LRRFIP2: variants seen among roughly 807,000 people sequenced by gnomAD.
LRRFIP2 encodes the protein leucine-rich repeat flightless-interacting protein 2.
Under a neutral mutation model 125.9 loss-of-function variants are expected in LRRFIP2, and 109 were observed. The observed-to-expected ratio is 0.87, with a 90% CI of 0.74 to 1.01. The LOEUF is 1.01. Among genes scored for constraint, LRRFIP2 ranks in the 50% least tolerant of loss-of-function variants. The pLI is 0.00. For synonymous variants in LRRFIP2, 291 were observed against 293.1 expected (o/e 0.99, Z 0.07); for missense variants, 850 against 862.3 (o/e 0.99, Z 0.18).
intron 19 of LRRFIP2, among the ~76,000 whole-genome samples, chr3:37,076,188 C>T (rs2091988583): frequency 6.6e-6 from 1 of 152,074 alleles, no homozygotes; most frequent in Non-Finnish European, 1.5e-5. Context: ...CAAAAATCCA[C>T]AAGCAATGAG....
intron 1 of LRRFIP2, among the ~76,000 whole-genome samples, chr3:37,156,468 T>C (rs1198769123): frequency 6.7e-6 from 1 of 148,380 alleles, no homozygotes; most frequent in East Asian, 2.1e-4. Context: ...GGTCAGGAGA[T>C]CGAGACCATC....
chr3:37,170,796 G>A (rs573982240), intron 1 of LRRFIP2: 2 of 152,296 alleles, frequency 1.3e-5, no homozygotes, highest in South Asian at 2.1e-4. Flanking sequence ...CCTCCTGGAC[G>A]GGCGCAGTGG....
chr3:37,070,614 T>C (rs2091017304), intron 21 of LRRFIP2, among the ~76,000 whole-genome samples: 1 of 151,958 alleles, frequency 6.6e-6, no homozygotes. Context: ...TGCACACCTG[T>C]AGTCCCAGCT....
chr3:37,080,122 A>G (rs9814918), intron 19 of LRRFIP2, among the ~76,000 whole-genome samples: 55,149 of 152,068 alleles, frequency 0.36, 10,944 homozygotes, highest in Non-Finnish European at 0.45. Flanking sequence ...TAAATAGGCC[A>G]GGCGCAGTGG....
At position 37,075,069 on chromosome 3, in the gene LRRFIP2, C is replaced by T; in HGVS notation, c.1326G>A (p.Met442Ile). Residue 442 changes from methionine to isoleucine, a missense_variant, in exon 20 of 28, where the codon ATG becomes ATA. Physicochemically the swap from Met to Ile is conservative, Grantham distance 10. Coordinates refer to ENST00000336686, the MANE Select transcript of LRRFIP2 (RefSeq NM_006309.4). Reference protein sequence around the residue: ...KHMCSVLQHKMEELKEGLRQR... With the variant: ...KHMCSVLQHKIEELKEGLRQR... Reference sequence around the variant, plus strand: ...GCCGCAGGCCTTCTTTAAGTTCTTCCATCTTATGCTGCAGCACACTACACA... The same window carrying T: ...GCCGCAGGCCTTCTTTAAGTTCTTCTATCTTATGCTGCAGCACACTACACA... 6.2e-7 allele frequency: 1 copy of T among 1,612,864 alleles called. No individual in the cohort carries two copies. The highest frequency in any genetic ancestry group is 1.1e-5 in the South Asian group (1 of 91,070).
rs1300988252 is a variant in LRRFIP2 at position 37,111,120 on chromosome 3, C to T, written c.439-55G>A. ...CTTAGGCTAAATGTTAATAACCTAA[C>T]AACACACAAAGGCAAAACTGAACAC... is the stretch of plus-strand genomic sequence containing the variant. On this transcript the variant is annotated intron_variant, in intron 8 of 27. Coordinates refer to ENST00000336686, the MANE Select transcript of LRRFIP2 (RefSeq NM_006309.4). 2.7e-6 allele frequency: 4 copies of T among 1,457,234 alleles called. No homozygotes were observed. In the African/African-American group the frequency reaches 4.2e-5, roughly 15 times the overall value. 90.3% of individuals were successfully genotyped at this position (1,457,234 alleles called of 1,614,324 possible).
At chr3:37,124,691 A>G (rs148304580) in intron 4 of LRRFIP2, among the ~76,000 whole-genome samples, 2 of 152,350 alleles carry the variant, frequency 1.3e-5, no homozygotes, top group African/African-American at 4.8e-5. Flanking sequence ...CAGACAACTG[A>G]ACTGTAAAGA....
At chr3:37,169,870 G>A (rs2096561760) in intron 1 of LRRFIP2, among the ~76,000 whole-genome samples, 1 of 152,170 alleles carries the variant, frequency 6.6e-6, no homozygotes, top group South Asian at 2.1e-4. Flanking sequence ...CCACCTCTGA[G>A]AAAGCACCCT....
chr3:37,147,157 A>G (rs2095875685), intron 2 of LRRFIP2, among the ~76,000 whole-genome samples: 1 of 152,226 alleles, frequency 6.6e-6, no homozygotes, highest in South Asian at 2.1e-4. Flanking sequence ...CCACAATGAG[A>G]AACCATCTCA....
At chr3:37,063,099 T>C (rs541441446) in intron 24 of LRRFIP2, among the ~76,000 whole-genome samples, 43 of 152,254 alleles carry the variant, frequency 2.8e-4, no homozygotes, top group African/African-American at 9.6e-4. Flanking sequence ...TGTGGCTAAA[T>C]TGATGATAGA....
intron 24 of LRRFIP2, 110 bp downstream of exon 24, chr3:37,063,632 G>A: frequency 1.2e-6 from 1 of 814,126 alleles, no homozygotes; most frequent in Non-Finnish European, 2.2e-6. Context: ...TCTCACTTGA[G>A]TACTGATGTT....
At chr3:37,056,090 T>C (rs1482738761) in intron 25 of LRRFIP2, among the ~76,000 whole-genome samples, 2 of 152,218 alleles carry the variant, frequency 1.3e-5, no homozygotes, top group Non-Finnish European at 2.9e-5. Context: ...TAAATCTACC[T>C]ATGTACCTAG....
At chr3:37,133,061 T>C (rs931112573) in intron 2 of LRRFIP2, among the ~76,000 whole-genome samples, 3 of 151,838 alleles carry the variant, frequency 2.0e-5, no homozygotes, top group African/African-American at 7.2e-5. Context: ...CCGTCTCTAC[T>C]AAAAATGGAA....
chr3:37,053,855 T>A lies in LRRFIP2; in HGVS notation c.2162A>T (p.Gln721Leu), dbSNP rs757874084. Residue 721 changes from glutamine to leucine, a missense_variant, in exon 28 of 28, where the codon CAG (glutamine) becomes CTG (leucine). Transcript: ENST00000336686. ...KANRTALLAQQ is the reference protein window; with the variant it reads ...KANRTALLAQL The stretch of plus-strand genomic sequence containing the variant: ...CCAGGTTGAAGGGTGGTTTTCCTAC[T>A]GCTGGGCCAGAAGTGCTGTCCTATT... 44 of 1,612,902 alleles carry A rather than the reference T, an allele frequency of 2.7e-5. No individual in the cohort carries two copies. Among genetic ancestry groups the A allele is most frequent in the Non-Finnish European group, 3.6e-5 (42 of 1,178,926 alleles).
At chr3:37,133,548 G>A (rs752510625) in intron 2 of LRRFIP2, among the ~76,000 whole-genome samples, 18 of 152,156 alleles carry the variant, frequency 1.2e-4, no homozygotes, top group Non-Finnish European at 2.2e-4. Flanking sequence ...CAGACAGAAA[G>A]GAGTAATATT....
intron 4 of LRRFIP2, among the ~76,000 whole-genome samples, chr3:37,122,441 C>T (rs866834256): frequency 1.2e-4 from 18 of 152,116 alleles, no homozygotes; most frequent in African/African-American, 3.9e-4. Flanking sequence ...TGCAAGTATA[C>T]TTAACAAAGA....
At chr3:37,129,249 G>T (rs2095363907) in intron 2 of LRRFIP2, 100 bp from the exon 3 acceptor site, 1 of 943,838 alleles carries the variant, frequency 1.1e-6, no homozygotes, top group African/African-American at 1.6e-5. Flanking sequence ...CGCAAAAGGG[G>T]TGGGCAGGAG....
chr3:37,052,749 A>AAGAT lies in LRRFIP2; in HGVS notation c.*1098_*1101dup, dbSNP rs1415300085. 2.6e-5 allele frequency: 4 copies of AAGAT among 152,328 alleles called. No homozygotes were observed. Among genetic ancestry groups the AAGAT allele is most frequent in the East Asian group, 1.9e-4 (1 of 5,186 alleles). 9.4% of individuals were successfully genotyped at this position (152,328 alleles called of 1,614,324 possible). A position where few individuals can be genotyped will look rare whatever the true frequency, so the allele number is the denominator to read the frequency against. ...ATATATTTTCTGTGTAAGCACTTTA[A>AAGAT]AGATACAATAATCATTTCTATAAAA... On this transcript the variant is annotated 3_prime_UTR_variant, in exon 28 of 28. Coordinates refer to ENST00000336686, the MANE Select transcript of LRRFIP2 (RefSeq NM_006309.4).
At chr3:37,175,839 G>C (rs537675297), upstream of LRRFIP2, 1 of 152,348 alleles carries the variant, frequency 6.6e-6, no homozygotes, top group East Asian at 1.9e-4. Context: ...CGCGGTGGAA[G>C]GGTGAGCGTT....
Sources: allele counts gnomAD v4.1 joint callset (sites outside exome capture counted in the v4.1 genomes callset), GRCh38; gene constraint gnomAD v4.1.1; transcripts MANE v1.5; gene names NCBI Gene and HGNC (gene_info 2026-07-23, HGNC 2026-07-21).